The following RUFY4 variants were observed in gnomAD, a reference collection of about 807,000 sequenced individuals.
RUFY4 encodes the protein RUN and FYVE domain containing 4, also known as RUN and FYVE domain-containing protein 4.
A neutral mutation model predicts 69.0 loss-of-function variants in RUFY4; 73 were observed. The observed-to-expected ratio is 1.06, with a 90% CI of 0.88 to 1.29. The LOEUF (loss-of-function observed/expected upper bound fraction) is 1.29. Among genes scored for constraint, RUFY4 ranks in the 50% most tolerant of loss-of-function variants. The pLI, the probability that RUFY4 is intolerant of heterozygous loss-of-function variation, is 0.00. For missense variants in RUFY4, 770 were observed against 705.6 expected (o/e 1.09, Z -1.03); for synonymous variants, 287 against 271.8 (o/e 1.06, Z -0.55).
At chr2:218,059,346 A>G (rs1689131587) in intron 3 of RUFY4, 1 of 163,440 alleles carries the variant, frequency 6.1e-6, no homozygotes, top group South Asian at 2.1e-4. Context: ...TTATTGTACA[A>G]CTATCACTAC....
In RUFY4 at chr2:218,088,946, CCT is replaced by C. The variant is rs949043255; in HGVS notation, c.1503-303_1503-302del. Among the ~76,000 whole-genome samples, 6 of 148,298 alleles carry C rather than the reference CCT, an allele frequency of 4.0e-5. 1 individual carries two copies. The South Asian group carries it at 6.5e-4, about 16-fold the overall frequency. ...CTCCAATCCTCTCTCTCTCTCTCTC[CCT>C]CTTTCCCCTTCTCTCCACCCCTCTC... On this transcript the variant is annotated intron_variant, in intron 9 of 10. Coordinates refer to ENST00000344321, the Ensembl canonical transcript of RUFY4.
chr2:218,038,172 T>A (rs919491993), intron 2 of RUFY4, among the ~76,000 whole-genome samples: 1 of 152,130 alleles, frequency 6.6e-6, no homozygotes, highest in African/African-American at 2.4e-5. Flanking sequence ...TCCATGAAAG[T>A]TATCAGAGTC....
intron 2 of RUFY4, among the ~76,000 whole-genome samples, chr2:218,050,132 C>G (rs1688911762): frequency 6.6e-6 from 1 of 152,176 alleles, no homozygotes; most frequent in South Asian, 2.1e-4. Flanking sequence ...ACCCATGGAC[C>G]AGTCAGCAAG....
At chr2:218,060,479 C>G in intron 3 of RUFY4, 1 of 1,340,054 alleles carries the variant, frequency 7.5e-7, no homozygotes. Context: ...CCAATGAAGG[C>G]GTAGATGAGG....
chr2:218,068,137 G>GGAGGATGGCAGGGGGGTA (rs1335551474), upstream of RUFY4, among the ~76,000 whole-genome samples: 8 of 133,612 alleles, frequency 6.0e-5, no homozygotes, highest in South Asian at 2.6e-4. Flanking sequence ...GCAGGGGACT[G>GGAGGATGGCAGGGGGGTA]GAGGAGGGCA....
intron 6 of RUFY4, among the ~76,000 whole-genome samples, chr2:218,074,186 G>A (rs1689568639): frequency 6.6e-6 from 1 of 152,146 alleles, no homozygotes; most frequent in Non-Finnish European, 1.5e-5. Context: ...AAAGCTTCAG[G>A]AAACAGATGA....
chr2:218,056,180 G>A (rs1350730393), intron 2 of RUFY4, among the ~76,000 whole-genome samples: 2 of 150,878 alleles, frequency 1.3e-5, no homozygotes, highest in African/African-American at 4.9e-5. Context: ...TGGGCTTTTG[G>A]TTCAAAACCA....
At chr2:218,052,693 C>T (rs1284602962) in intron 2 of RUFY4, among the ~76,000 whole-genome samples, 1 of 150,710 alleles carries the variant, frequency 6.6e-6, no homozygotes, top group Non-Finnish European at 1.5e-5. Context: ...TCTGGGAGTT[C>T]AAGACCAGCC....
At chr2:218,089,299 C>T in exon 10 of RUFY4, 1 of 1,613,932 alleles carries the variant, frequency 6.2e-7, no homozygotes, top group South Asian at 1.1e-5. Context: ...TCTTCCATGG[C>T]TCCCGAGTGC....
At chr2:218,085,310 T>C in intron 9 of RUFY4, among the ~76,000 whole-genome samples, 1 of 151,954 alleles carries the variant, frequency 6.6e-6, no homozygotes, top group Non-Finnish European at 1.5e-5. Flanking sequence ...TGTAATACAA[T>C]GTCCCTGGCA....
intron 2 of RUFY4, among the ~76,000 whole-genome samples, chr2:218,053,888 A>G (rs1237297502): frequency 6.6e-6 from 1 of 152,096 alleles, no homozygotes; most frequent in Non-Finnish European, 1.5e-5. Flanking sequence ...CAAGAAATCC[A>G]CCTGCCTTGG....
chr2:218,036,379 G>A (rs898927304), intron 2 of RUFY4, among the ~76,000 whole-genome samples: 1 of 152,104 alleles, frequency 6.6e-6, no homozygotes, highest in Non-Finnish European at 1.5e-5. Flanking sequence ...GTTCTTCCTG[G>A]GCTCACAGTC....
chr2:218,077,911 T>C (rs1318887532), intron 8 of RUFY4, among the ~76,000 whole-genome samples: 2 of 152,126 alleles, frequency 1.3e-5, no homozygotes, highest in African/African-American at 4.8e-5. Flanking sequence ...TTCAAGACAG[T>C]CTGGGAGGAG....
rs796703457 is a variant in RUFY4, at chr2:218,056,229, G to GTTT, written c.-1157-2352_-1157-2350dup. Among the ~76,000 whole-genome samples the GTTT allele has an allele frequency of 4.0e-3, 510 of 128,774 alleles. 5 individuals carry two copies. Among genetic ancestry groups the GTTT allele is most frequent in the African/African-American group, 0.013 (469 of 34,824 alleles). 84.5% of individuals were successfully genotyped at this position (128,774 alleles called of 152,430 possible). On this transcript the variant is annotated intron_variant and NMD_transcript_variant, in intron 2 of 13. Coordinates refer to the RUFY4 transcript ENST00000457754. ...ATTTATTATATTGTTGCTGGTTGTTGTTTTTTTTTTTTTTTTGTATTCTGC... is the reference window on the plus strand; with the variant it reads ...ATTTATTATATTGTTGCTGGTTGTTGTTTTTTTTTTTTTTTTTTTGTATTCTGC...
At chr2:218,073,488 G>C in intron 5 of RUFY4, 102 bp downstream of exon 7, 3 of 1,455,674 alleles carry the variant, frequency 2.1e-6, no homozygotes, top group Non-Finnish European at 9.3e-7. Context: ...AGCCCCATCT[G>C]TCTCTGCCTC....
chr2:218,051,348 G>T (rs982146022), intron 2 of RUFY4, among the ~76,000 whole-genome samples: 1 of 151,966 alleles, frequency 6.6e-6, no homozygotes, highest in South Asian at 2.1e-4. Context: ...TATATTCAGG[G>T]GATGTTTATA....
chr2:218,048,438 A>G (rs1477037373), intron 2 of RUFY4, among the ~76,000 whole-genome samples: 1 of 152,136 alleles, frequency 6.6e-6, no homozygotes, highest in East Asian at 1.9e-4. Context: ...TCTTTAGTTT[A>G]ATTAGATCCC....
intron 6 of RUFY4, among the ~76,000 whole-genome samples, chr2:218,074,803 G>A (rs1037364472): frequency 6.6e-6 from 1 of 152,088 alleles, no homozygotes; most frequent in Non-Finnish European, 1.5e-5. Flanking sequence ...AACTTAGGGG[G>A]AACCAGATCA....
chr2:218,070,197 C>T (rs1689451032), upstream of RUFY4: 1 of 270,540 alleles, frequency 3.7e-6, no homozygotes, highest in Non-Finnish European at 7.3e-6. Context: ...AGAACACAGG[C>T]CCTGTGGGCA....
Sources: gnomAD v4.1 joint callset for allele counts (sites outside exome capture counted in the v4.1 genomes callset) on GRCh38, gnomAD v4.1.1 for gene constraint, MANE v1.5 for transcripts, NCBI Gene and HGNC (gene_info 2026-07-23, HGNC 2026-07-21) for gene names.